The following CALN1 variants were observed in gnomAD, a reference collection of about 807,000 sequenced individuals.
CALN1 encodes the protein calcium-binding protein 8.
In CALN1, 17 loss-of-function variants were observed where a neutral mutation model predicts 30.6. That is an observed-to-expected ratio of 0.56 (90% CI 0.38 to 0.83). The LOEUF (loss-of-function observed/expected upper bound fraction) is 0.83, where lower values mean the gene tolerates loss of function less well. Among genes scored for constraint, CALN1 ranks in the 40% least tolerant of loss-of-function variants. The pLI is 0.00. For missense variants in CALN1, 291 were observed against 354.9 expected, an observed-to-expected ratio of 0.82 and a Z score of 1.45; for synonymous variants, 156 against 131.4, an observed-to-expected ratio of 1.19 and a Z score of -1.28.
At chr7:72,229,041 A>T (rs1793892959) in intron 3 of CALN1, among the ~76,000 whole-genome samples, 1 of 151,430 alleles carries the variant, frequency 6.6e-6, no homozygotes, top group Non-Finnish European at 1.5e-5. Context: ...CTAGAATTAC[A>T]GGTATGGGCC....
chr7:71,927,332 C>CCTGAGTAG (rs1225116860), intron 5 of CALN1, among the ~76,000 whole-genome samples: 4 of 152,166 alleles, frequency 2.6e-5, no homozygotes, highest in Admixed American at 2.6e-4. Context: ...GCCTCAGCCT[C>CCTGAGTAG]CTGAGTAGCT....
intron 3 of CALN1, among the ~76,000 whole-genome samples, chr7:72,192,658 ATTATTATTATTATTATACTTT>A (rs1431580422): frequency 1.5e-5 from 1 of 68,204 alleles, no homozygotes; most frequent in Non-Finnish European, 2.4e-5. Flanking sequence ...TATTATTATT[ATTATTATTATTATTATACTTT>A]AAGTTTTAGG....
At chr7:72,479,552 AT>A in the CALN1 span, among the ~76,000 whole-genome samples, 40,348 of 130,468 alleles carry the variant, frequency 0.31, 5,440 homozygotes, top group East Asian at 0.69. Flanking sequence ...TTATAGCACA[AT>A]TTTTTTTTTT....
At chr7:71,938,593 G>A (rs1192021648) in intron 5 of CALN1, among the ~76,000 whole-genome samples, 2 of 151,910 alleles carry the variant, frequency 1.3e-5, no homozygotes, top group African/African-American at 4.8e-5. Context: ...TCAGGAGTTC[G>A]AGACCAGCCT....
intron 3 of CALN1, among the ~76,000 whole-genome samples, chr7:72,163,409 A>AC (rs1009616072): frequency 1.9e-4 from 28 of 150,536 alleles, no homozygotes; most frequent in African/African-American, 6.5e-4. Context: ...AAAAAAAAAA[A>AC]ACAGAAAAAC....
At chr7:71,959,872 G>A (rs533000411) in intron 5 of CALN1, among the ~76,000 whole-genome samples, 3 of 152,168 alleles carry the variant, frequency 2.0e-5, no homozygotes, top group African/African-American at 7.2e-5. Context: ...AGTGGCTCAG[G>A]CCTGTAATCC....
intron 5 of CALN1, among the ~76,000 whole-genome samples, chr7:71,951,913 A>G (rs1228958711): frequency 6.6e-6 from 1 of 150,816 alleles, no homozygotes; most frequent in Non-Finnish European, 1.5e-5. Flanking sequence ...TCTGTGCTCT[A>G]GTTTGTCAAA....
chr7:72,056,744 T>C (rs1444494638), intron 4 of CALN1, among the ~76,000 whole-genome samples: 1 of 152,142 alleles, frequency 6.6e-6, no homozygotes, highest in Non-Finnish European at 1.5e-5. Context: ...AATAGCATTC[T>C]TCAAATACGA....
chr7:72,107,968 T>C (rs552014027), intron 3 of CALN1, among the ~76,000 whole-genome samples: 2 of 152,308 alleles, frequency 1.3e-5, no homozygotes, highest in Admixed American at 6.5e-5. Flanking sequence ...TATCTGACCA[T>C]GCCCTGGCAT....
At chr7:72,494,224 C>G in the CALN1 span, among the ~76,000 whole-genome samples, 5 of 152,272 alleles carry the variant, frequency 3.3e-5, no homozygotes, top group South Asian at 2.1e-4. Context: ...TGGAACAACT[C>G]TCTTTCACCT....
intron 5 of CALN1, among the ~76,000 whole-genome samples, chr7:71,949,381 G>A (rs1248674890): frequency 1.3e-5 from 2 of 151,918 alleles, no homozygotes; most frequent in African/African-American, 4.8e-5. Flanking sequence ...AACCTCGAGA[G>A]GGTTTTTTGT....
At chr7:72,338,186 A>C (rs970022410) in intron 2 of CALN1, among the ~76,000 whole-genome samples, 16 of 152,158 alleles carry the variant, frequency 1.1e-4, no homozygotes, top group Admixed American at 6.5e-5. Context: ...CAATAAAGAA[A>C]GAGCAACAAA....
chr7:72,201,431 A>G (rs548655975), intron 3 of CALN1, among the ~76,000 whole-genome samples: 3 of 152,130 alleles, frequency 2.0e-5, no homozygotes, highest in African/African-American at 4.8e-5. Flanking sequence ...TCTATTTAAA[A>G]TATGCAAAAC....
intron 1 of CALN1, among the ~76,000 whole-genome samples, chr7:72,425,487 A>G (rs1807773478): frequency 6.6e-6 from 1 of 152,206 alleles, no homozygotes; most frequent in South Asian, 2.1e-4. Context: ...AATAAGTGCC[A>G]TGCCTCATTA....
At chr7:72,464,743 G>C in the CALN1 span, among the ~76,000 whole-genome samples, 1 of 152,230 alleles carries the variant, frequency 6.6e-6, no homozygotes, top group Admixed American at 6.5e-5. Context: ...CCAACCACAG[G>C]AGGAACTGGC....
the CALN1 span, among the ~76,000 whole-genome samples, chr7:72,503,203 G>A: frequency 6.6e-6 from 1 of 152,120 alleles, no homozygotes. Context: ...GTTGTTCTGC[G>A]TGTCAAATGG....
intron 5 of CALN1, among the ~76,000 whole-genome samples, chr7:71,965,807 C>A (rs1328660070): frequency 6.6e-6 from 1 of 152,028 alleles, no homozygotes; most frequent in Non-Finnish European, 1.5e-5. Context: ...AAAAGATGCC[C>A]CAGTATCACT....
chr7:71,934,895 CCT>C (rs2129521115), intron 5 of CALN1, among the ~76,000 whole-genome samples: 1 of 152,240 alleles, frequency 6.6e-6, no homozygotes, highest in South Asian at 2.1e-4. Flanking sequence ...CAGGAGAACT[CCT>C]GTTTATAAAA....
intron 5 of CALN1, among the ~76,000 whole-genome samples, chr7:71,813,111 G>C (rs941208485): frequency 4.0e-5 from 6 of 151,880 alleles, no homozygotes; most frequent in African/African-American, 1.5e-4. Context: ...ACCACACCTA[G>C]CTAATTTTTG....
Sources: gnomAD v4.1 joint callset for allele counts (sites outside exome capture counted in the v4.1 genomes callset) on GRCh38, gnomAD v4.1.1 for gene constraint, MANE v1.5 for transcripts, NCBI Gene and HGNC (gene_info 2026-07-23, HGNC 2026-07-21) for gene names.